Variants in SLC25A33 observed in about 807,000 individuals in gnomAD.
The protein encoded by SLC25A33 is bone marrow stromal cell mitochondrial carrier protein.
Under a neutral mutation model 35.5 loss-of-function variants are expected in SLC25A33, and 15 were observed. The observed-to-expected ratio is 0.42, with a 90% CI of 0.28 to 0.65. The LOEUF (loss-of-function observed/expected upper bound fraction) is 0.65. Ranked by LOEUF, SLC25A33 falls within the 30% of genes least tolerant of loss-of-function variation. SLC25A33 has a pLI of 0.20. For synonymous variants in SLC25A33, 136 were observed against 148.7 expected (o/e 0.91, Z 0.62); for missense variants, 257 against 398.5 (o/e 0.64, Z 3.02).
rs931141243 is a variant in SLC25A33, at chr1:9,583,487, C to T, written c.*986C>T. On this transcript the variant is annotated 3_prime_UTR_variant, in exon 7 of 7. Coordinates refer to ENST00000302692, the MANE Select transcript of SLC25A33 (RefSeq NM_032315.3). ...AATGGCCTGGCTCCTGGATATAGTT[C>T]CGGAAGTTAAGACCAGTTGCCTTGT... 36 of 152,078 alleles carry T rather than the reference C, an allele frequency of 2.4e-4. No individual in the cohort carries two copies. The highest frequency in any genetic ancestry group is 7.7e-4 in the African/African-American group (32 of 41,384). 9.4% of individuals were successfully genotyped at this position (152,078 alleles called of 1,614,324 possible).
intron 5 of SLC25A33, among the ~76,000 whole-genome samples, chr1:9,573,996 T>C (rs1643627074): frequency 6.6e-6 from 1 of 152,116 alleles, no homozygotes; most frequent in African/African-American, 2.4e-5. Flanking sequence ...GTTGTTGTTT[T>C]GTTTTTTTGT....
At chr1:9,564,511 G>GCAACC (rs1643471292) in intron 2 of SLC25A33, among the ~76,000 whole-genome samples, 1 of 151,894 alleles carries the variant, frequency 6.6e-6, no homozygotes, top group African/African-American at 2.4e-5. Flanking sequence ...AAACGTGGAA[G>GCAACC]CAACCCAAGT....
At chr1:9,562,455 G>T (rs2100392546) in intron 2 of SLC25A33, among the ~76,000 whole-genome samples, 1 of 152,236 alleles carries the variant, frequency 6.6e-6, no homozygotes, top group Admixed American at 6.5e-5. Flanking sequence ...GGCAGAGGTT[G>T]TATGGGATCA....
At chr1:9,558,261 C>G (rs116474857) in intron 2 of SLC25A33, among the ~76,000 whole-genome samples, 19 of 152,326 alleles carry the variant, frequency 1.2e-4, no homozygotes, top group African/African-American at 4.3e-4. Context: ...AGCAGCAGTT[C>G]CCAGCTCAGA....
intron 1 of SLC25A33, among the ~76,000 whole-genome samples, chr1:9,545,921 C>G (rs565545689): frequency 9.9e-5 from 15 of 151,314 alleles, no homozygotes; most frequent in African/African-American, 3.6e-4. Context: ...CGAGATCGCG[C>G]CACTGCACTC....
At chr1:9,546,675 CA>C (rs1342541375) in intron 1 of SLC25A33, among the ~76,000 whole-genome samples, 1 of 152,168 alleles carries the variant, frequency 6.6e-6, no homozygotes, top group Non-Finnish European at 1.5e-5. Flanking sequence ...TTTAGGTATA[CA>C]TTTTTTTTGA....
At chr1:9,564,356 C>T (rs1643469446) in intron 2 of SLC25A33, among the ~76,000 whole-genome samples, 4 of 152,096 alleles carry the variant, frequency 2.6e-5, no homozygotes, top group Admixed American at 2.0e-4. Context: ...CTATAGAAAA[C>T]AGCCTAGTGG....
intron 1 of SLC25A33, among the ~76,000 whole-genome samples, chr1:9,546,317 T>C (rs1285168395): frequency 6.6e-6 from 1 of 151,452 alleles, no homozygotes; most frequent in Non-Finnish European, 1.5e-5. Flanking sequence ...CCTGAGTAGC[T>C]GGGACTATAG....
At position 9,564,395 on chromosome 1, in the gene SLC25A33, C is replaced by T. The variant is rs947852286; in HGVS notation, c.237-2889C>T. Among the ~76,000 whole-genome samples the T allele has an allele frequency of 5.3e-5, 8 of 152,128 alleles. No homozygotes were observed. The East Asian group carries it at 1.2e-3, about 22-fold the overall frequency. ...CTCAAAAAATTAGGCATAGGATTAC[C>T]GTGTGATCCAGCAATTCCACTTGGA... is the stretch of plus-strand genomic sequence containing the variant. On this transcript the variant is annotated intron_variant, in intron 2 of 6. Transcript: ENST00000302692.
chr1:9,564,389 G>A (rs1359496397), intron 2 of SLC25A33, among the ~76,000 whole-genome samples: 1 of 152,080 alleles, frequency 6.6e-6, no homozygotes, highest in African/African-American at 2.4e-5. Context: ...TTAGGCATAG[G>A]ATTACCGTGT....
chr1:9,574,146 G>A (rs1643629389), intron 5 of SLC25A33, among the ~76,000 whole-genome samples: 1 of 147,076 alleles, frequency 6.8e-6, no homozygotes, highest in South Asian at 2.1e-4. Context: ...TTCTTTTGAG[G>A]CAGGGCCTCA....
chr1:9,540,564 G>C (rs1032780921), intron 1 of SLC25A33, among the ~76,000 whole-genome samples: 5 of 152,072 alleles, frequency 3.3e-5, no homozygotes, highest in Admixed American at 2.6e-4. Context: ...AAATATTTTT[G>C]AGTATTAGTA....
intron 2 of SLC25A33, among the ~76,000 whole-genome samples, chr1:9,560,260 A>AGTTGTCTGCTT (rs1643402756): frequency 6.6e-6 from 1 of 151,556 alleles, no homozygotes; most frequent in African/African-American, 2.4e-5. Context: ...TCAAAAAAAA[A>AGTTGTCTGCTT]AAAAAGAGAA....
At chr1:9,581,977 G>A (rs1002279810) in intron 6 of SLC25A33, among the ~76,000 whole-genome samples, 2 of 152,090 alleles carry the variant, frequency 1.3e-5, no homozygotes, top group African/African-American at 2.4e-5. Flanking sequence ...AGGCTGGAGT[G>A]TAGTGGCACG....
At chr1:9,572,378 G>A (rs1411484236) in intron 4 of SLC25A33, among the ~76,000 whole-genome samples, 5 of 152,126 alleles carry the variant, frequency 3.3e-5, no homozygotes, top group African/African-American at 9.7e-5. Context: ...TTGGGAGGCC[G>A]AGGCGAGCGG....
At chr1:9,541,002 G>C (rs986582941) in intron 1 of SLC25A33, among the ~76,000 whole-genome samples, 3 of 151,438 alleles carry the variant, frequency 2.0e-5, no homozygotes, top group Non-Finnish European at 4.4e-5. Context: ...TTTTTTGAGA[G>C]GGAGTCTTCC....
rs57215050 is a variant in SLC25A33 at position 9,574,118 on chromosome 1, CT to C, written c.482+722del. Among the ~76,000 whole-genome samples the C allele has an allele frequency of 6.9e-3, 933 of 134,314 alleles. 15 individuals carry two copies. Among genetic ancestry groups the C allele is most frequent in the East Asian group, 0.066 (311 of 4,744 alleles). The allele number at this position is 134,314 out of a possible 152,430, so 88.1% of individuals were successfully genotyped here. A position where few individuals can be genotyped will look rare whatever the true frequency, so the allele number is the denominator to read the frequency against. On this transcript the variant is annotated intron_variant, in intron 5 of 6. Transcript: ENST00000302692. ...AATGTATTTTGTTTCCTTTTCTTTT[CT>C]TTTTTTTTTTTTTTTGTTCTTTTGA... is the stretch of plus-strand genomic sequence containing the variant.
chr1:9,580,353 T>C, intron 6 of SLC25A33, 119 bp downstream of exon 6: 2 of 1,307,176 alleles, frequency 1.5e-6, no homozygotes, highest in South Asian at 1.4e-5. Context: ...GTAAGGTCAG[T>C]GAGTATGAGG....
At chr1:9,548,700 T>G (rs1457643945) in intron 1 of SLC25A33, among the ~76,000 whole-genome samples, 1 of 152,198 alleles carries the variant, frequency 6.6e-6, no homozygotes, top group Non-Finnish European at 1.5e-5. Flanking sequence ...TGTATCCCAG[T>G]TTGGAGATTC....
Sources: allele counts gnomAD v4.1 joint callset (sites outside exome capture counted in the v4.1 genomes callset), GRCh38; gene constraint gnomAD v4.1.1; transcripts MANE v1.5; gene names NCBI Gene and HGNC (gene_info 2026-07-23, HGNC 2026-07-21).